TRIM9: variants seen among roughly 807,000 people sequenced by gnomAD.
TRIM9 encodes the protein E3 ubiquitin-protein ligase TRIM9.
In TRIM9, 26 loss-of-function variants were observed where a neutral mutation model predicts 78.3. The observed-to-expected ratio is 0.33, with a 90% CI of 0.24 to 0.46. TRIM9 has a LOEUF of 0.46. Ranked by LOEUF, TRIM9 falls within the 20% of genes least tolerant of loss-of-function variation. The pLI is 1.00. For synonymous variants in TRIM9, 398 were observed against 416.5 expected, an observed-to-expected ratio of 0.96 and a Z score of 0.54; for missense variants, 787 against 1,036.4, an observed-to-expected ratio of 0.76 and a Z score of 3.30.
At chr14:51,015,076 A>G (rs2057007553) in intron 3 of TRIM9, among the ~76,000 whole-genome samples, 1 of 152,208 alleles carries the variant, frequency 6.6e-6, no homozygotes, top group African/African-American at 2.4e-5. Context: ...GCAAGTGTCT[A>G]TTGATCATTT....
chr14:51,091,481 G>T (rs2064321789), intron 1 of TRIM9, among the ~76,000 whole-genome samples: 4 of 152,224 alleles, frequency 2.6e-5, no homozygotes, highest in African/African-American at 9.6e-5. Context: ...TCCTATTTTT[G>T]CAGGGCATAG....
chr14:51,022,376 C>T (rs1426153043), intron 3 of TRIM9, among the ~76,000 whole-genome samples: 2 of 152,194 alleles, frequency 1.3e-5, no homozygotes, highest in Admixed American at 6.5e-5. Context: ...TGGGATGATG[C>T]AGCATGAAGG....
chr14:51,001,733 G>GATC (rs35634335), intron 5 of TRIM9, among the ~76,000 whole-genome samples: 5,470 of 152,146 alleles, frequency 0.036, 148 homozygotes, highest in African/African-American at 0.065. Context: ...GGATCCAAGT[G>GATC]AGATCACAGT....
chr14:51,064,634 C>T (rs1596299173), intron 1 of TRIM9, among the ~76,000 whole-genome samples: 3 of 151,692 alleles, frequency 2.0e-5, no homozygotes, highest in Admixed American at 6.6e-5. Context: ...AAAGAAAATA[C>T]ACAAACTACT....
intron 2 of TRIM9, among the ~76,000 whole-genome samples, chr14:51,023,464 T>C (rs114858746): frequency 1.1e-3 from 175 of 152,326 alleles, no homozygotes; most frequent in African/African-American, 4.1e-3. Context: ...ACTTGCCCCT[T>C]TCATTAAGGA....
intron 3 of TRIM9, among the ~76,000 whole-genome samples, chr14:51,015,505 CTTTTTTTTT>C (rs369652663): frequency 9.8e-5 from 6 of 61,322 alleles, no homozygotes; most frequent in Admixed American, 2.2e-4. Context: ...CTTTACTTTT[CTTTTTTTTT>C]TTTTTTTTTT....
intron 1 of TRIM9, among the ~76,000 whole-genome samples, chr14:51,063,184 T>C (rs1488788790): frequency 6.6e-6 from 1 of 152,026 alleles, no homozygotes; most frequent in Non-Finnish European, 1.5e-5. Flanking sequence ...CAAATGGAGA[T>C]AATAGAACAG....
intron 1 of TRIM9, among the ~76,000 whole-genome samples, chr14:51,078,944 G>A (rs796600313): frequency 6.6e-6 from 1 of 152,140 alleles, no homozygotes; most frequent in African/African-American, 2.4e-5. Context: ...AGACATGTTA[G>A]TCTGCTTTAC....
intron 1 of TRIM9, among the ~76,000 whole-genome samples, chr14:51,026,725 T>G (rs192570369): frequency 2.9e-4 from 44 of 152,218 alleles, no homozygotes; most frequent in African/African-American, 9.9e-4. Flanking sequence ...AATGCTTGGT[T>G]GAGGCAATGT....
intron 1 of TRIM9, among the ~76,000 whole-genome samples, chr14:51,045,880 A>AT (rs565196744): frequency 2.0e-5 from 3 of 152,270 alleles, no homozygotes; most frequent in South Asian, 2.1e-4. Context: ...ATGTTCATGG[A>AT]TTTTTTGTAA....
intron 1 of TRIM9, among the ~76,000 whole-genome samples, chr14:51,075,194 A>G (rs2062655542): frequency 6.6e-6 from 1 of 152,154 alleles, no homozygotes; most frequent in African/African-American, 2.4e-5. Context: ...CAGGATCCAA[A>G]TAGGGACCTC....
chr14:50,983,760 C>T lies in TRIM9; in HGVS notation c.1793-339G>A, dbSNP rs576498152. On this transcript the variant is annotated intron_variant, in intron 8 of 12. Coordinates refer to ENST00000684578, the MANE Select transcript of TRIM9 (RefSeq NM_001387360.1). ...AAAATGGGGAAAATGTACTTAATTG[C>T]AACGGAGAAATCACTGGATTTTGAT... Among the ~76,000 whole-genome samples the T allele has an allele frequency of 1.7e-4, 26 of 152,290 alleles. No homozygotes were observed. The South Asian group carries it at 2.1e-3, about 12-fold the overall frequency.
At chr14:51,027,682 T>C (rs891493248) in intron 1 of TRIM9, among the ~76,000 whole-genome samples, 1 of 152,206 alleles carries the variant, frequency 6.6e-6, no homozygotes, top group African/African-American at 2.4e-5. Context: ...ACAATATTAT[T>C]TGGAGTAAAA....
In TRIM9 at chr14:50,983,230, T is replaced by C. The variant is rs11621274; in HGVS notation, c.1834+150A>G. ...AAACACTACAGGCATCTTTTCCATT[T>C]TTTAAGAGTTTGAGAAACTGCTATA... On this transcript the variant is annotated intron_variant, in intron 9 of 12. Transcript: ENST00000684578. The C allele has an allele frequency of 7.7e-3, 5,584 of 728,118 alleles. 28 individuals are homozygous for C. Among genetic ancestry groups the C allele is most frequent in the Non-Finnish European group, 9.9e-3 (4,596 of 462,802 alleles). The allele number at this position is 728,118 out of a possible 1,614,324, so 45.1% of individuals were successfully genotyped here.
intron 9 of TRIM9, 46 bp downstream of exon 9, chr14:50,983,334 C>G (rs1373445175): frequency 7.0e-7 from 1 of 1,438,232 alleles, no homozygotes; most frequent in Non-Finnish European, 9.4e-7. Flanking sequence ...GGAAATTGAG[C>G]ACACCAATCA....
chr14:51,016,070 A>T (rs2057156135), intron 3 of TRIM9, among the ~76,000 whole-genome samples: 1 of 152,188 alleles, frequency 6.6e-6, no homozygotes, highest in African/African-American at 2.4e-5. Context: ...AGGATGCCAA[A>T]ATCCACAGAT....
At chr14:51,079,750 C>G (rs938684915) in intron 1 of TRIM9, among the ~76,000 whole-genome samples, 27 of 152,238 alleles carry the variant, frequency 1.8e-4, no homozygotes, top group African/African-American at 6.3e-4. Context: ...ACCAGGTGGA[C>G]TAGGTAGAGA....
At chr14:51,012,288 T>G (rs2139656453) in intron 3 of TRIM9, among the ~76,000 whole-genome samples, 1 of 152,360 alleles carries the variant, frequency 6.6e-6, no homozygotes, top group Middle Eastern at 3.4e-3. Flanking sequence ...TCTATGAATT[T>G]CACTATGCTA....
At chr14:51,090,897 C>G (rs1450710542) in intron 1 of TRIM9, 1 of 152,178 alleles carries the variant, frequency 6.6e-6, no homozygotes, top group Non-Finnish European at 1.5e-5. Context: ...GCACCCAGCC[C>G]TGATTCAGTG....
Sources: allele counts gnomAD v4.1 joint callset (sites outside exome capture counted in the v4.1 genomes callset), GRCh38; gene constraint gnomAD v4.1.1; transcripts MANE v1.5; gene names NCBI Gene and HGNC (gene_info 2026-07-23, HGNC 2026-07-21).